The following SHTN1 variants were observed in gnomAD, a reference collection of about 807,000 sequenced individuals.
SHTN1 encodes shootin-1.
In SHTN1, 42 loss-of-function variants were observed where a neutral mutation model predicts 83.1. The ratio of observed to expected loss-of-function variants is 0.51; its 90% confidence interval spans 0.39 to 0.65. SHTN1 has a LOEUF of 0.65. Among genes scored for constraint, SHTN1 ranks in the 30% least tolerant of loss-of-function variants. The pLI is 0.00. For missense variants in SHTN1, 622 were observed against 737.8 expected (o/e 0.84, Z 1.82); for synonymous variants, 224 against 247.7 (o/e 0.90, Z 0.90).
intron 7 of SHTN1, among the ~76,000 whole-genome samples, chr10:116,946,825 C>G (rs978148741): frequency 6.6e-6 from 1 of 151,626 alleles, no homozygotes; most frequent in South Asian, 2.1e-4. Context: ...TCAAGTGATT[C>G]TCCTGCCTCA....
chr10:116,901,219 T>C (rs1031719921), intron 16 of SHTN1: 11 of 985,294 alleles, frequency 1.1e-5, no homozygotes, highest in South Asian at 4.7e-5. Flanking sequence ...CTGAAACACA[T>C]TCAATAGCAG....
intron 2 of SHTN1, among the ~76,000 whole-genome samples, chr10:117,035,883 G>A (rs896284812): frequency 1.5e-5 from 2 of 131,874 alleles, no homozygotes; most frequent in Non-Finnish European, 3.1e-5. Context: ...GGAGGTGGAG[G>A]TTCTGGTGAG....
intron 1 of SHTN1, among the ~76,000 whole-genome samples, chr10:117,056,090 A>C (rs900213817): frequency 1.3e-5 from 2 of 152,176 alleles, no homozygotes; most frequent in Non-Finnish European, 2.9e-5. Flanking sequence ...AAAAACCTGA[A>C]AAAGAAATTT....
At chr10:117,028,849 C>A (rs1852366431) in intron 2 of SHTN1, among the ~76,000 whole-genome samples, 1 of 152,158 alleles carries the variant, frequency 6.6e-6, no homozygotes, top group Non-Finnish European at 1.5e-5. Flanking sequence ...TCATGGAGAA[C>A]CTCTACTAAG....
chr10:117,108,743 G>A (rs146799613), intron 1 of SHTN1, among the ~76,000 whole-genome samples: 26 of 152,132 alleles, frequency 1.7e-4, no homozygotes, highest in South Asian at 6.2e-4. Context: ...GAAAAAGTAC[G>A]TATTACCATG....
chr10:117,066,349 T>C (rs898846757), intron 1 of SHTN1, among the ~76,000 whole-genome samples: 2 of 152,046 alleles, frequency 1.3e-5, no homozygotes, highest in African/African-American at 4.8e-5. Context: ...ATGAACAGAA[T>C]AGTCAAAGGT....
At chr10:116,940,350 C>A (rs1849323381) in intron 9 of SHTN1, 116 bp downstream of exon 9, 1 of 1,080,176 alleles carries the variant, frequency 9.3e-7, no homozygotes, top group Middle Eastern at 2.5e-4. Flanking sequence ...GTAACTAAGG[C>A]AAAATATGAA....
At chr10:117,076,198 A>G (rs1707900372) in intron 1 of SHTN1, among the ~76,000 whole-genome samples, 1 of 151,990 alleles carries the variant, frequency 6.6e-6, no homozygotes, top group African/African-American at 2.4e-5. Flanking sequence ...AAAAAAAAAA[A>G]AAAAGATAAT....
intron 13 of SHTN1, among the ~76,000 whole-genome samples, 162 bp from the exon 14 acceptor site, chr10:116,912,005 A>G (rs1165268388): frequency 2.6e-5 from 4 of 152,238 alleles, no homozygotes. Flanking sequence ...AAAAAATACT[A>G]GCCATGTTAG....
intron 1 of SHTN1, among the ~76,000 whole-genome samples, chr10:117,085,272 A>G (rs1220145512): frequency 2.6e-5 from 4 of 152,014 alleles, no homozygotes; most frequent in Non-Finnish European, 4.4e-5. Context: ...TCATATATGC[A>G]CTCAATGCTA....
chr10:116,989,054 T>C (rs1028876796), intron 1 of SHTN1, among the ~76,000 whole-genome samples: 1 of 152,168 alleles, frequency 6.6e-6, no homozygotes, highest in East Asian at 1.9e-4. Context: ...CAAAAATCCA[T>C]ATAATTATGT....
intron 10 of SHTN1, among the ~76,000 whole-genome samples, chr10:116,928,133 T>C (rs944009911): frequency 7.9e-5 from 12 of 152,180 alleles, no homozygotes; most frequent in African/African-American, 2.6e-4. Flanking sequence ...TATACAACTT[T>C]AGAAAAGAAA....
In SHTN1 at chr10:116,963,076, T is replaced by G. The variant is rs1471378314; in HGVS notation, c.173-2846A>C. Among the ~76,000 whole-genome samples the G allele has an allele frequency of 6.6e-5, 3 of 45,438 alleles. No individual in the cohort carries two copies. The Admixed American group carries it at 8.3e-4, about 13-fold the overall frequency. 29.8% of individuals were successfully genotyped at this position (45,438 alleles called of 152,430 possible). A position where few individuals can be genotyped will look rare whatever the true frequency, so the allele number is the denominator to read the frequency against. On this transcript the variant is annotated intron_variant, in intron 3 of 16. Coordinates refer to ENST00000355371, the MANE Select transcript of SHTN1 (RefSeq NM_001127211.3). Reference sequence around the variant, plus strand: ...TTTTTTTTTTTTTTTTTTTTTTTTTTTTTTTTTTTTTTTGAGACGGAGTCT... The same window carrying G: ...TTTTTTTTTTTTTTTTTTTTTTTTTGTTTTTTTTTTTTTGAGACGGAGTCT...
intron 16 of SHTN1, among the ~76,000 whole-genome samples, chr10:116,893,168 T>C (rs1847392355): frequency 6.6e-6 from 1 of 152,270 alleles, no homozygotes; most frequent in East Asian, 1.9e-4. Context: ...CTCAGAACAC[T>C]TGTAAGACAA....
intron 1 of SHTN1, among the ~76,000 whole-genome samples, chr10:117,103,774 G>A (rs2133632264): frequency 6.6e-6 from 1 of 152,116 alleles, no homozygotes; most frequent in East Asian, 1.9e-4. Context: ...CTGACCTCAT[G>A]ATCCGCCCTC....
chr10:116,949,958 T>C (rs1849716828), intron 6 of SHTN1, among the ~76,000 whole-genome samples: 1 of 152,204 alleles, frequency 6.6e-6, no homozygotes, highest in African/African-American at 2.4e-5. Context: ...ATGTTTATAA[T>C]ATTTAAAAAC....
At chr10:117,016,476 G>A (rs894319679) in intron 2 of SHTN1, among the ~76,000 whole-genome samples, 3 of 152,156 alleles carry the variant, frequency 2.0e-5, no homozygotes, top group South Asian at 2.1e-4. Context: ...GTGCAATCTC[G>A]GCTGTCTGCA....
In SHTN1 at chr10:116,915,381, C is replaced by T. The variant is rs778465339; in HGVS notation, c.1299G>A (p.Lys433=). ...LRPVNQTARP[K]TKPESSKGCE... is the part of the protein sequence containing the mutation. ...GCATTCAGTCACTCCATACCTTTGT[C>T]TTCGGTCTGGCTGTCTGATTAACGG... The change falls in exon 13 of 17, where the codon AAG becomes AAA. Residue 433 remains lysine, a synonymous_variant. Coordinates refer to ENST00000355371, the MANE Select transcript of SHTN1 (RefSeq NM_001127211.3). 1 of 1,553,470 alleles carries T rather than the reference C, an allele frequency of 6.4e-7. No homozygotes were observed.
rs187165102 is a variant in SHTN1 at position 117,124,443 on chromosome 10, A to G, written c.-189+1864T>C. ...CAAATTATAATCCCTTCACTGACAC[A>G]TTGATTCTCCATGTCTCAGGCTCTA... On this transcript the variant is annotated intron_variant, in intron 1 of 17. Coordinates refer to the SHTN1 transcript ENST00000392901. Among the ~76,000 whole-genome samples, 6 of 152,310 alleles carry G rather than the reference A, an allele frequency of 3.9e-5. No individual in the cohort carries two copies. The East Asian group carries it at 1.2e-3, about 29-fold the overall frequency.
Sources: allele counts gnomAD v4.1 joint callset (sites outside exome capture counted in the v4.1 genomes callset), GRCh38; gene constraint gnomAD v4.1.1; transcripts MANE v1.5; gene names NCBI Gene and HGNC (gene_info 2026-07-23, HGNC 2026-07-21).